Variants in LYPLAL1 observed in about 807,000 individuals in gnomAD.
The protein encoded by LYPLAL1 is lysophospholipase-like protein 1.
In LYPLAL1, 23 loss-of-function variants were observed where a neutral mutation model predicts 19.7. The observed-to-expected ratio is 1.17, with a 90% CI of 0.84 to 1.65. The LOEUF (loss-of-function observed/expected upper bound fraction) is 1.65, where lower values mean the gene tolerates loss of function less well. Among genes scored for constraint, LYPLAL1 ranks in the 40% most tolerant of loss-of-function variants. LYPLAL1 has a pLI of 0.00. For synonymous variants in LYPLAL1, 119 were observed against 96.3 expected, an observed-to-expected ratio of 1.24 and a Z score of -1.38; for missense variants, 355 against 279.4, an observed-to-expected ratio of 1.27 and a Z score of -1.93.
At chr1:219,325,245 T>C in the LYPLAL1 span, among the ~76,000 whole-genome samples, 4 of 152,212 alleles carry the variant, frequency 2.6e-5, no homozygotes, top group Non-Finnish European at 4.4e-5. Context: ...TGACTCATAA[T>C]GCGTTTCTCA....
the LYPLAL1 span, among the ~76,000 whole-genome samples, chr1:219,282,294 A>G: frequency 2.4e-4 from 36 of 152,268 alleles, no homozygotes; most frequent in East Asian, 1.9e-3. Context: ...AAAGTAGAAC[A>G]AAAATTAAAG....
chr1:219,301,891 C>G, the LYPLAL1 span, among the ~76,000 whole-genome samples: 13 of 152,176 alleles, frequency 8.5e-5, no homozygotes, highest in Admixed American at 6.5e-5. Context: ...TCTCAAATTC[C>G]TTTTTGATTT....
chr1:219,426,124 A>G, the LYPLAL1 span, among the ~76,000 whole-genome samples: 4 of 152,332 alleles, frequency 2.6e-5, no homozygotes, highest in Admixed American at 1.3e-4. Context: ...GAGTGTGTAT[A>G]CGTTTGGTTT....
the LYPLAL1 span, among the ~76,000 whole-genome samples, chr1:219,259,805 T>A: frequency 0.45 from 67,885 of 151,048 alleles, 15,875 homozygotes; most frequent in East Asian, 0.66. Flanking sequence ...ATAAATAAAT[T>A]AAGAAAAAAG....
At chr1:219,384,768 A>G in the LYPLAL1 span, among the ~76,000 whole-genome samples, 3 of 152,250 alleles carry the variant, frequency 2.0e-5, no homozygotes, top group Non-Finnish European at 2.9e-5. Context: ...TGGAAATGAC[A>G]TATACAGAAG....
In LYPLAL1 at chr1:219,193,241, G is replaced by T; in HGVS notation, c.351G>T (p.Arg117Ser). Reference sequence around the variant, plus strand: ...TAAAAAGTGGCATCAAGAAGAACAGGATATTAATAGGTAAGACCTTTAAAT... The same window carrying T: ...TAAAAAGTGGCATCAAGAAGAACAGTATATTAATAGGTAAGACCTTTAAAT... Reference protein sequence around the residue: ...EEVKSGIKKNRILIGGFSMGG... With the variant: ...EEVKSGIKKNSILIGGFSMGG... The change falls in exon 3 of 5, where the codon AGG (arginine) becomes AGT (serine). Residue 117 changes from arginine to serine, a missense_variant. Physicochemically the swap from Arg to Ser is moderately radical, Grantham distance 110 (BLOSUM62 -1). Transcript: ENST00000366928. 6.2e-7 allele frequency: 1 copy of T among 1,608,384 alleles called. No homozygotes were observed. The highest frequency in any genetic ancestry group is 8.5e-7 in the Non-Finnish European group (1 of 1,176,554).
At chr1:219,378,766 A>G in the LYPLAL1 span, among the ~76,000 whole-genome samples, 3 of 152,128 alleles carry the variant, frequency 2.0e-5, no homozygotes, top group African/African-American at 7.2e-5. Flanking sequence ...CCTTTTGGTC[A>G]GCAGAGACCC....
chr1:219,245,039 C>A, the LYPLAL1 span, among the ~76,000 whole-genome samples: 1 of 142,066 alleles, frequency 7.0e-6, no homozygotes, highest in East Asian at 2.1e-4. Context: ...TTTCTTTTTT[C>A]CTTCTCTTTC....
At chr1:219,175,291 G>A (rs1366762145) in intron 1 of LYPLAL1, among the ~76,000 whole-genome samples, 1 of 152,008 alleles carries the variant, frequency 6.6e-6, no homozygotes, top group Admixed American at 6.6e-5. Context: ...GGGAAGAAGA[G>A]GTCCAATAGT....
At chr1:219,364,156 T>G in the LYPLAL1 span, among the ~76,000 whole-genome samples, 1 of 152,170 alleles carries the variant, frequency 6.6e-6, no homozygotes, top group Non-Finnish European at 1.5e-5. Context: ...CTGAATATGG[T>G]GCATGAAATA....
the LYPLAL1 span, among the ~76,000 whole-genome samples, chr1:219,282,870 G>A: frequency 6.6e-6 from 1 of 151,960 alleles, no homozygotes; most frequent in African/African-American, 2.4e-5. Flanking sequence ...AGAGATGAAG[G>A]GAAGGTTCAT....
At chr1:219,426,738 G>A in the LYPLAL1 span, among the ~76,000 whole-genome samples, 5 of 152,062 alleles carry the variant, frequency 3.3e-5, no homozygotes, top group South Asian at 8.3e-4. Context: ...AGCTGGGACC[G>A]TAGGTGCGAG....
the LYPLAL1 span, among the ~76,000 whole-genome samples, chr1:219,302,012 G>C: frequency 1.3e-5 from 2 of 152,100 alleles, no homozygotes; most frequent in South Asian, 4.1e-4. Context: ...CTGGGGGTAG[G>C]GGCTCTAATT....
At chr1:219,432,726 G>A in the LYPLAL1 span, among the ~76,000 whole-genome samples, 14 of 152,186 alleles carry the variant, frequency 9.2e-5, no homozygotes, top group Non-Finnish European at 1.8e-4. Flanking sequence ...TTGTTTTAGG[G>A]AGTCCACGTT....
chr1:219,197,017 A>G (rs558115541), intron 3 of LYPLAL1, among the ~76,000 whole-genome samples: 2 of 152,240 alleles, frequency 1.3e-5, no homozygotes, highest in African/African-American at 2.4e-5. Context: ...TTCTATGCTC[A>G]TGGATAGGAA....
chr1:219,412,225 A>C, the LYPLAL1 span, among the ~76,000 whole-genome samples: 1 of 152,040 alleles, frequency 6.6e-6, no homozygotes, highest in Non-Finnish European at 1.5e-5. Flanking sequence ...ACTCAATCTC[A>C]CTGTGTTGCC....
At chr1:219,410,342 C>T in the LYPLAL1 span, 4 of 152,176 alleles carry the variant, frequency 2.6e-5, no homozygotes, top group African/African-American at 7.2e-5. Context: ...TTAAACAGAA[C>T]GTAGTTTAAT....
chr1:219,433,294 G>A, the LYPLAL1 span, among the ~76,000 whole-genome samples: 2 of 152,138 alleles, frequency 1.3e-5, no homozygotes, highest in Non-Finnish European at 1.5e-5. Context: ...ACTCATCAGA[G>A]GTCCTCTTAA....
rs373424000 is a variant in LYPLAL1, at chr1:219,192,961, A to G, written c.192-121A>G. 3 of 1,040,922 alleles carry G rather than the reference A, an allele frequency of 2.9e-6. No homozygotes were observed. In the East Asian group the frequency reaches 8.0e-5, roughly 28 times the overall value. The allele number at this position is 1,040,922 out of a possible 1,614,324, so 64.5% of individuals were successfully genotyped here. ...AGTAGTTTTAATATGCATTTAACTT[A>G]TAAAACTTAGAAGAAATTGAAATCA... On this transcript the variant is annotated intron_variant, in intron 2 of 4. Coordinates refer to ENST00000366928, the MANE Select transcript of LYPLAL1 (RefSeq NM_138794.5).
Sources: allele counts gnomAD v4.1 joint callset (sites outside exome capture counted in the v4.1 genomes callset), GRCh38; gene constraint gnomAD v4.1.1; transcripts MANE v1.5; gene names NCBI Gene and HGNC (gene_info 2026-07-23, HGNC 2026-07-21).